Variants in NEGR1 observed in about 807,000 individuals in gnomAD.
NEGR1 encodes neuronal growth regulator 1.
Under a neutral mutation model 40.9 loss-of-function variants are expected in NEGR1, and 10 were observed. That is an observed-to-expected ratio of 0.24 (90% confidence interval 0.15 to 0.42). The LOEUF is 0.42. Ranked by LOEUF, NEGR1 falls within the 10% of genes least tolerant of loss-of-function variation. The probability of loss-of-function intolerance (pLI) is 1.00; values close to 1 mark genes in which losing one functional copy is unlikely to be tolerated. For missense variants in NEGR1, 352 were observed against 438.9 expected (o/e 0.80, Z 1.77); for synonymous variants, 185 against 166.8 (o/e 1.11, Z -0.84).
chr1:71,842,764 G>T (rs1659286216), intron 2 of NEGR1, among the ~76,000 whole-genome samples: 2 of 152,086 alleles, frequency 1.3e-5, no homozygotes, highest in Admixed American at 6.6e-5. Flanking sequence ...TGATTTCTAA[G>T]ATGTGCCTAA....
In NEGR1 at chr1:71,948,096, TA is replaced by T. The variant is rs552321523; in HGVS notation, c.177-12786del. On this transcript the variant is annotated intron_variant, in intron 1 of 6. Transcript: ENST00000357731. ...CACGGACTTTTAAAATACAGTTGCT[TA>T]AAAAATCTTTTCACTTTGTTCTATC... Among the ~76,000 whole-genome samples the T allele has an allele frequency of 3.3e-5, 5 of 152,114 alleles. No homozygotes were observed. In the South Asian group the frequency reaches 6.2e-4, roughly 19 times the overall value.
chr1:72,279,513 T>A (rs753403247), intron 1 of NEGR1, among the ~76,000 whole-genome samples: 1 of 152,208 alleles, frequency 6.6e-6, no homozygotes, highest in Non-Finnish European at 1.5e-5. Context: ...ATGAATGATA[T>A]GTAATTTGGT....
chr1:71,445,443 A>T (rs928348586), intron 6 of NEGR1, among the ~76,000 whole-genome samples: 2 of 152,058 alleles, frequency 1.3e-5, no homozygotes, highest in African/African-American at 4.8e-5. Context: ...AAATATTGTT[A>T]CACTTGAAGT....
At chr1:72,241,726 C>A (rs1183086375) in intron 1 of NEGR1, among the ~76,000 whole-genome samples, 1 of 151,420 alleles carries the variant, frequency 6.6e-6, no homozygotes, top group African/African-American at 2.4e-5. Flanking sequence ...ATTCCTTCAA[C>A]TTCTTTTTTT....
At chr1:72,128,230 C>T (rs1352920839) in intron 1 of NEGR1, among the ~76,000 whole-genome samples, 1 of 152,178 alleles carries the variant, frequency 6.6e-6, no homozygotes, top group East Asian at 1.9e-4. Flanking sequence ...TTGTATTATA[C>T]AGTATAATCA....
At chr1:71,711,208 G>A (rs865842948) in intron 3 of NEGR1, among the ~76,000 whole-genome samples, 4 of 150,912 alleles carry the variant, frequency 2.7e-5, no homozygotes, top group Non-Finnish European at 5.9e-5. Context: ...AGCCAGGTGC[G>A]GTGCCAGGCG....
intron 1 of NEGR1, among the ~76,000 whole-genome samples, chr1:72,273,662 C>T (rs74088559): frequency 0.042 from 6,419 of 151,714 alleles, 460 homozygotes; most frequent in African/African-American, 0.15. Flanking sequence ...TGTAAAATGC[C>T]TTATATTTTA....
intron 1 of NEGR1, among the ~76,000 whole-genome samples, chr1:72,073,585 A>G (rs905953700): frequency 2.0e-5 from 3 of 152,162 alleles, no homozygotes; most frequent in African/African-American, 7.2e-5. Context: ...TAATATTTAC[A>G]TTTTTAACAA....
At chr1:72,011,136 C>A (rs1026290474) in intron 1 of NEGR1, among the ~76,000 whole-genome samples, 1 of 151,976 alleles carries the variant, frequency 6.6e-6, no homozygotes, top group Non-Finnish European at 1.5e-5. Flanking sequence ...TGATTTTGGT[C>A]ATGTCAATGA....
chr1:71,964,824 TAA>T (rs35978891), intron 1 of NEGR1, among the ~76,000 whole-genome samples: 16,221 of 150,030 alleles, frequency 0.11, 982 homozygotes, highest in Middle Eastern at 0.21. Context: ...ATAATCACAT[TAA>T]AAAAAAAAAT....
chr1:72,272,917 T>TG (rs965357853), intron 1 of NEGR1, among the ~76,000 whole-genome samples: 2 of 152,012 alleles, frequency 1.3e-5, no homozygotes, highest in African/African-American at 2.4e-5. Flanking sequence ...CATTTAATTC[T>TG]GGCAACACTG....
chr1:71,884,256 T>C (rs565352140), intron 2 of NEGR1, among the ~76,000 whole-genome samples: 21 of 152,268 alleles, frequency 1.4e-4, no homozygotes, highest in African/African-American at 4.8e-4. Context: ...AGAGTGATAT[T>C]TTGCCTCACT....
At chr1:72,061,255 A>G (rs1557506599) in intron 1 of NEGR1, among the ~76,000 whole-genome samples, 1 of 151,812 alleles carries the variant, frequency 6.6e-6, no homozygotes, top group Non-Finnish European at 1.5e-5. Context: ...AAAACAAAGG[A>G]GCACAGTGAC....
At chr1:71,413,770 C>A (rs566033849) in intron 6 of NEGR1, among the ~76,000 whole-genome samples, 1 of 152,160 alleles carries the variant, frequency 6.6e-6, no homozygotes, top group East Asian at 1.9e-4. Flanking sequence ...CCGTTGTCAA[C>A]AGGAAGATCC....
At chr1:71,768,678 T>C (rs183493734) in intron 3 of NEGR1, among the ~76,000 whole-genome samples, 11 of 152,204 alleles carry the variant, frequency 7.2e-5, no homozygotes, top group African/African-American at 1.9e-4. Context: ...AAAATGTGAG[T>C]AGGACATGAG....
At chr1:71,652,921 G>T (rs1173617763) in intron 4 of NEGR1, among the ~76,000 whole-genome samples, 1 of 151,072 alleles carries the variant, frequency 6.6e-6, no homozygotes, top group African/African-American at 2.4e-5. Context: ...TCTTTTTTAT[G>T]GTCTTATTGT....
intron 1 of NEGR1, among the ~76,000 whole-genome samples, chr1:72,219,187 G>T (rs1653928042): frequency 6.6e-6 from 1 of 151,944 alleles, no homozygotes; most frequent in Non-Finnish European, 1.5e-5. Flanking sequence ...TTTGTTGATG[G>T]ATGCATAACA....
chr1:71,909,836 A>C (rs2101872017), intron 2 of NEGR1, among the ~76,000 whole-genome samples: 1 of 152,348 alleles, frequency 6.6e-6, no homozygotes, highest in South Asian at 2.1e-4. Flanking sequence ...AAGATTTATT[A>C]ACCACAAAAG....
At chr1:71,649,800 G>T (rs1181222371) in intron 4 of NEGR1, among the ~76,000 whole-genome samples, 1 of 152,164 alleles carries the variant, frequency 6.6e-6, no homozygotes, top group Non-Finnish European at 1.5e-5. Context: ...ATAAATGCCA[G>T]TTGAGAACTC....
Sources: gnomAD v4.1 joint callset for allele counts (sites outside exome capture counted in the v4.1 genomes callset) on GRCh38, gnomAD v4.1.1 for gene constraint, MANE v1.5 for transcripts, NCBI Gene and HGNC (gene_info 2026-07-23, HGNC 2026-07-21) for gene names.